TBC1D5: variants seen among roughly 807,000 people sequenced by gnomAD.
TBC1D5 encodes TBC1 domain family, member 5.
In TBC1D5, 75 loss-of-function variants were observed where a neutral mutation model predicts 100.3. The ratio of observed to expected loss-of-function variants is 0.75; its 90% CI spans 0.62 to 0.91. The LOEUF (loss-of-function observed/expected upper bound fraction) is 0.91. Among genes scored for constraint, TBC1D5 ranks in the 40% least tolerant of loss-of-function variants. The pLI, the probability that TBC1D5 is intolerant of heterozygous loss-of-function variation, is 0.00. For synonymous variants in TBC1D5, 323 were observed against 325.6 expected, an observed-to-expected ratio of 0.99 and a Z score of 0.09; for missense variants, 910 against 942.4, an observed-to-expected ratio of 0.97 and a Z score of 0.45.
chr3:17,186,746 TAAAAAAAGAA>T (rs2069161357), intron 18 of TBC1D5, among the ~76,000 whole-genome samples: 1 of 83,112 alleles, frequency 1.2e-5, no homozygotes, highest in East Asian at 3.2e-4. Flanking sequence ...AAAAAAAAAT[TAAAAAAAGAA>T]AAGAAAAGAA....
intron 19 of TBC1D5, among the ~76,000 whole-genome samples, chr3:17,183,851 C>T (rs181734766): frequency 3.3e-5 from 5 of 152,322 alleles, no homozygotes; most frequent in South Asian, 2.1e-4. Flanking sequence ...TTACCTCCAA[C>T]GAAGGCCCCA....
intron 3 of TBC1D5, among the ~76,000 whole-genome samples, chr3:17,488,958 T>C (rs563067556): frequency 5.3e-5 from 8 of 150,374 alleles, no homozygotes; most frequent in African/African-American, 2.0e-4. Flanking sequence ...TATGAAAATC[T>C]AATGCCTGAT....
At chr3:17,277,726 AAC>A (rs1255238810) in intron 15 of TBC1D5, among the ~76,000 whole-genome samples, 1 of 152,170 alleles carries the variant, frequency 6.6e-6, no homozygotes, top group Non-Finnish European at 1.5e-5. Context: ...GAGTAATAAG[AAC>A]ATTTTGCATT....
At chr3:17,192,772 G>A (rs1471861210) in intron 18 of TBC1D5, among the ~76,000 whole-genome samples, 1 of 152,230 alleles carries the variant, frequency 6.6e-6, no homozygotes, top group Non-Finnish European at 1.5e-5. Flanking sequence ...TGTATGGCCA[G>A]GTAGCTGGGC....
At position 17,216,946 on chromosome 3, in the gene TBC1D5, G is replaced by C. The variant is rs141792251; in HGVS notation, c.1589-2576C>G. On this transcript the variant is annotated intron_variant, in intron 17 of 21. Coordinates refer to ENST00000253692, the Ensembl canonical transcript of TBC1D5. The stretch of plus-strand genomic sequence containing the variant: ...CAGTGTTTTTTACAGTACACTTACA[G>C]AGATGCATGACCATCAAAACTATCT... Among the ~76,000 whole-genome samples, 535 of 152,196 alleles carry C rather than the reference G, an allele frequency of 3.5e-3. 4 individuals carry two copies. Among genetic ancestry groups the C allele is most frequent in the African/African-American group, 0.012 (497 of 41,546 alleles).
intron 15 of TBC1D5, among the ~76,000 whole-genome samples, chr3:17,278,826 T>A (rs1004812262): frequency 2.6e-5 from 4 of 152,224 alleles, no homozygotes; most frequent in Non-Finnish European, 5.9e-5. Flanking sequence ...GTGAAAGGTG[T>A]TGTGTTTCTG....
chr3:17,427,062 G>C (rs2094351406), intron 4 of TBC1D5, among the ~76,000 whole-genome samples: 1 of 151,778 alleles, frequency 6.6e-6, no homozygotes, highest in African/African-American at 2.4e-5. Flanking sequence ...CTCGAATAGG[G>C]GATTCTACCT....
At chr3:17,238,789 G>A (rs923938340) in intron 16 of TBC1D5, among the ~76,000 whole-genome samples, 1 of 152,134 alleles carries the variant, frequency 6.6e-6, no homozygotes, top group Non-Finnish European at 1.5e-5. Context: ...CTTAAAACCT[G>A]CGACTGGACT....
intron 1 of TBC1D5, among the ~76,000 whole-genome samples, chr3:17,642,818 C>A (rs1460079264): frequency 6.6e-6 from 1 of 152,108 alleles, no homozygotes; most frequent in African/African-American, 2.4e-5. Flanking sequence ...CGTACTACAT[C>A]AAATTTCCAA....
intron 16 of TBC1D5, among the ~76,000 whole-genome samples, chr3:17,256,064 A>G (rs1048452602): frequency 6.6e-6 from 1 of 152,154 alleles, no homozygotes; most frequent in Non-Finnish European, 1.5e-5. Context: ...AAAAAATTTG[A>G]AATAAGATTA....
chr3:17,174,926 C>T (rs867015244), intron 19 of TBC1D5, among the ~76,000 whole-genome samples: 2 of 152,144 alleles, frequency 1.3e-5, no homozygotes, highest in Admixed American at 1.3e-4. Context: ...AGGTAACTGG[C>T]TAAGTGACCA....
At chr3:17,474,874 T>C (rs1244005341) in intron 3 of TBC1D5, among the ~76,000 whole-genome samples, 2 of 152,006 alleles carry the variant, frequency 1.3e-5, no homozygotes, top group Non-Finnish European at 2.9e-5. Context: ...AAATCTCCAA[T>C]TCCCTAGACC....
chr3:17,326,327 C>T (rs1181381154), intron 13 of TBC1D5, among the ~76,000 whole-genome samples: 1 of 152,156 alleles, frequency 6.6e-6, no homozygotes, highest in Non-Finnish European at 1.5e-5. Context: ...AATGTACATG[C>T]TATTAGTTAC....
At chr3:17,226,492 C>T (rs1322740930) in intron 17 of TBC1D5, among the ~76,000 whole-genome samples, 1 of 151,992 alleles carries the variant, frequency 6.6e-6, no homozygotes, top group African/African-American at 2.4e-5. Context: ...TGATGGCTCC[C>T]CTGAGTTCTT....
At chr3:17,357,921 T>C (rs1422615242) in intron 13 of TBC1D5, among the ~76,000 whole-genome samples, 1 of 152,146 alleles carries the variant, frequency 6.6e-6, no homozygotes, top group Non-Finnish European at 1.5e-5. Flanking sequence ...TTACAGAAAA[T>C]AAAATCCTAT....
chr3:17,576,504 G>A (rs1191870687), intron 2 of TBC1D5: 6 of 151,852 alleles, frequency 4.0e-5, no homozygotes, highest in Non-Finnish European at 4.4e-5. Context: ...TTCAATTTGT[G>A]GGCTCCTGCT....
intron 2 of TBC1D5, among the ~76,000 whole-genome samples, chr3:17,580,026 A>T (rs375973292): frequency 1.3e-5 from 2 of 152,128 alleles, no homozygotes; most frequent in African/African-American, 4.8e-5. Context: ...GCATCCGTAG[A>T]TTTTTTACAA....
At chr3:17,428,752 C>T (rs1168731570) in intron 3 of TBC1D5, among the ~76,000 whole-genome samples, 3 of 151,882 alleles carry the variant, frequency 2.0e-5, no homozygotes, top group Non-Finnish European at 4.4e-5. Context: ...TAATTGCTAT[C>T]AGGAACAAAT....
intron 2 of TBC1D5, among the ~76,000 whole-genome samples, chr3:17,536,412 T>C (rs1285471569): frequency 6.6e-6 from 1 of 152,210 alleles, no homozygotes; most frequent in Non-Finnish European, 1.5e-5. Flanking sequence ...TACCAACTTA[T>C]CCATTTAAGT....
Sources: gnomAD v4.1 joint callset for allele counts (sites outside exome capture counted in the v4.1 genomes callset) on GRCh38, gnomAD v4.1.1 for gene constraint, MANE v1.5 for transcripts, NCBI Gene and HGNC (gene_info 2026-07-23, HGNC 2026-07-21) for gene names.